Variants in EDC3 observed in about 807,000 individuals in gnomAD.
The protein encoded by EDC3 is enhancer of mRNA-decapping protein 3.
In EDC3, 20 loss-of-function variants were observed where a neutral mutation model predicts 41.8. The observed-to-expected ratio is 0.48, with a 90% confidence interval of 0.34 to 0.70. The LOEUF (loss-of-function observed/expected upper bound fraction) is 0.70. EDC3 is among the 30% of genes least tolerant of loss of function. The pLI is 0.01. For synonymous variants in EDC3, 206 were observed against 243.2 expected (o/e 0.85, Z 1.42); for missense variants, 444 against 636.8 (o/e 0.70, Z 3.26).
intron 2 of EDC3, among the ~76,000 whole-genome samples, chr15:74,672,450 G>C (rs1383764652): frequency 1.3e-5 from 2 of 152,078 alleles, no homozygotes; most frequent in African/African-American, 2.4e-5. Flanking sequence ...CTGGTATATA[G>C]AGATGAAAAC....
intron 3 of EDC3, among the ~76,000 whole-genome samples, chr15:74,657,761 T>A (rs558988664): frequency 6.6e-6 from 1 of 152,358 alleles, no homozygotes; most frequent in South Asian, 2.1e-4. Flanking sequence ...GAATCCCTGG[T>A]TTGCTCAAAA....
Position 74,655,881 on chromosome 15 carries a change from G to A in EDC3, c.672C>T (p.Thr224=). 1 of 1,614,130 alleles carries A rather than the reference G, an allele frequency of 6.2e-7. No homozygotes were observed. The highest frequency in any genetic ancestry group is 8.5e-7 in the Non-Finnish European group (1 of 1,180,032). ...AACGGGTACCACTTCTCCTTTCATA[G>A]GTATCAATCTCCTCAAACACAGCTG... ...DKAAVFEEID[T]YERRSGTRSR... Residue 224 remains threonine, a synonymous_variant, in exon 4 of 7, where the codon ACC becomes ACT. Coordinates refer to ENST00000315127, the MANE Select transcript of EDC3 (RefSeq NM_025083.5).
intron 1 of EDC3, among the ~76,000 whole-genome samples, chr15:74,680,210 A>T (rs149475885): frequency 3.0e-5 from 4 of 134,672 alleles, no homozygotes; most frequent in African/African-American, 1.1e-4. Flanking sequence ...GCAGTGAGCC[A>T]CAATCACACC....
intron 2 of EDC3, 33 bp downstream of exon 2, chr15:74,674,928 G>A (rs759451597): frequency 1.9e-6 from 3 of 1,612,548 alleles, no homozygotes; most frequent in Non-Finnish European, 2.5e-6. Context: ...AGACCACCAG[G>A]TTGGATTCAG....
chr15:74,693,088 T>G (rs2063026456), intron 1 of EDC3: 1 of 152,224 alleles, frequency 6.6e-6, no homozygotes, highest in Admixed American at 6.5e-5. Flanking sequence ...ACTTTTGACT[T>G]CTGCCCATAA....
chr15:74,674,945 C>A lies in EDC3; in HGVS notation c.164+16G>T. The A allele has an allele frequency of 6.2e-7, 1 of 1,613,674 alleles. No individual in the cohort carries two copies. The highest frequency in any genetic ancestry group is 1.1e-5 in the South Asian group (1 of 91,062). On this transcript the variant is annotated intron_variant, in intron 2 of 6. Coordinates refer to ENST00000315127, the MANE Select transcript of EDC3 (RefSeq NM_025083.5). Reference sequence around the variant, plus strand: ...ACCACCAGGTTGGATTCAGAAGAGTCAGTCAGGACACTCACCTGAAGGTGA... The same window carrying A: ...ACCACCAGGTTGGATTCAGAAGAGTAAGTCAGGACACTCACCTGAAGGTGA...
chr15:74,673,259 A>G (rs2062760673), intron 2 of EDC3, among the ~76,000 whole-genome samples: 1 of 152,164 alleles, frequency 6.6e-6, no homozygotes, highest in Non-Finnish European at 1.5e-5. Context: ...CGGTAATACA[A>G]AGGGAGAAGG....
At chr15:74,653,177 ACT>A (rs1181083990) in intron 4 of EDC3, among the ~76,000 whole-genome samples, 1 of 127,942 alleles carries the variant, frequency 7.8e-6, no homozygotes, top group African/African-American at 3.1e-5. Flanking sequence ...ACAAAACAAG[ACT>A]CTGTCTCCAA....
chr15:74,652,382 C>T (rs1374828054), intron 4 of EDC3, among the ~76,000 whole-genome samples: 1 of 152,034 alleles, frequency 6.6e-6, no homozygotes, highest in Non-Finnish European at 1.5e-5. Flanking sequence ...CGCCCACCAC[C>T]ATGCCCGGCT....
chr15:74,684,470 CTT>C (rs1352791945), intron 1 of EDC3, among the ~76,000 whole-genome samples: 2 of 112,688 alleles, frequency 1.8e-5, no homozygotes, highest in African/African-American at 3.6e-5. Context: ...CCAGCTGAGA[CTT>C]TGTCTCAAAA....
intron 3 of EDC3, among the ~76,000 whole-genome samples, chr15:74,668,827 G>A (rs1201380228): frequency 6.6e-6 from 1 of 152,018 alleles, no homozygotes; most frequent in Non-Finnish European, 1.5e-5. Context: ...TTTTTCTAAG[G>A]ATACAGAAGT....
chr15:74,633,896 G>A (rs2141567527), intron 6 of EDC3, among the ~76,000 whole-genome samples: 1 of 152,292 alleles, frequency 6.6e-6, no homozygotes, highest in Non-Finnish European at 1.5e-5. Flanking sequence ...ACCGGGGGGA[G>A]TCCCTGTGGG....
intron 2 of EDC3, among the ~76,000 whole-genome samples, chr15:74,673,515 C>G (rs2062764076): frequency 6.6e-6 from 1 of 150,490 alleles, no homozygotes; most frequent in African/African-American, 2.5e-5. Context: ...GACAAGGTGT[C>G]TGTCTCATAA....
rs76779911 is a variant in EDC3, at chr15:74,689,820, G to A, written c.-19+6060C>T. On this transcript the variant is annotated intron_variant, in intron 1 of 6. Coordinates refer to ENST00000315127, the MANE Select transcript of EDC3 (RefSeq NM_025083.5). ...ATTACAGGCGTGAGCCACTGCGCCC[G>A]GCCCTGCCTCCATTTCTTAAACACC... Among the ~76,000 whole-genome samples the A allele has an allele frequency of 7.4e-3, 1,124 of 152,244 alleles. 11 individuals carry two copies. Among genetic ancestry groups the A allele is most frequent in the Non-Finnish European group, 9.7e-3 (659 of 68,020 alleles).
At chr15:74,650,784 G>T (rs2062471376) in intron 4 of EDC3, among the ~76,000 whole-genome samples, 1 of 152,112 alleles carries the variant, frequency 6.6e-6, no homozygotes, top group Admixed American at 6.6e-5. Context: ...GATCACCTGA[G>T]ATCAGGAATT....
At chr15:74,644,695 TCTTCC>T (rs2062393210) in intron 4 of EDC3, 1 of 151,676 alleles carries the variant, frequency 6.6e-6, no homozygotes, top group African/African-American at 2.4e-5. Context: ...ACTCCCCACC[TCTTCC>T]CTTCCCCACT....
At chr15:74,651,806 A>T (rs1389430225) in intron 4 of EDC3, among the ~76,000 whole-genome samples, 1 of 152,244 alleles carries the variant, frequency 6.6e-6, no homozygotes, top group Non-Finnish European at 1.5e-5. Context: ...AATGAGTGTT[A>T]TCCCAATAAA....
At chr15:74,659,728 TG>T (rs1387757714) in intron 3 of EDC3, among the ~76,000 whole-genome samples, 1 of 150,312 alleles carries the variant, frequency 6.7e-6, no homozygotes, top group Non-Finnish European at 1.5e-5. Flanking sequence ...AAAAACCACA[TG>T]AGAACACATC....
At chr15:74,636,984 T>C (rs2062281671) in intron 5 of EDC3, 1 of 152,188 alleles carries the variant, frequency 6.6e-6, no homozygotes, top group African/African-American at 2.4e-5. Flanking sequence ...AATGGACCTA[T>C]GTGGATTAGA....
Sources: allele counts gnomAD v4.1 joint callset (sites outside exome capture counted in the v4.1 genomes callset), GRCh38; gene constraint gnomAD v4.1.1; transcripts MANE v1.5; gene names NCBI Gene and HGNC (gene_info 2026-07-23, HGNC 2026-07-21).